The following SNTG1 variants were observed in gnomAD, a reference collection of about 807,000 sequenced individuals.
The protein encoded by SNTG1 is syntrophin gamma 1.
In SNTG1, 39 loss-of-function variants were observed where a neutral mutation model predicts 74.7. The ratio of observed to expected loss-of-function variants is 0.52; its 90% confidence interval spans 0.40 to 0.68. SNTG1 has a LOEUF of 0.68. Among genes scored for constraint, SNTG1 ranks in the 30% least tolerant of loss-of-function variants. The probability of loss-of-function intolerance (pLI) is 0.00; values close to 1 mark genes in which losing one functional copy is unlikely to be tolerated. For synonymous variants in SNTG1, 254 were observed against 217.1 expected, an observed-to-expected ratio of 1.17 and a Z score of -1.49; for missense variants, 685 against 609.5, an observed-to-expected ratio of 1.12 and a Z score of -1.30.
At chr8:50,731,583 C>T (rs11781366) in intron 17 of SNTG1, among the ~76,000 whole-genome samples, 107,200 of 151,878 alleles carry the variant, frequency 0.71, 40,268 homozygotes, top group Non-Finnish European at 0.82. Flanking sequence ...CCACTCTACA[C>T]GTACTTCTAA....
intron 1 of SNTG1, among the ~76,000 whole-genome samples, chr8:50,162,628 C>A (rs1188443844): frequency 2.0e-5 from 3 of 151,686 alleles, no homozygotes; most frequent in Non-Finnish European, 2.9e-5. Flanking sequence ...CATCCTCCAT[C>A]ATGCTTCCCT....
chr8:50,400,930 A>G (rs2092796055), intron 3 of SNTG1, among the ~76,000 whole-genome samples: 1 of 152,152 alleles, frequency 6.6e-6, no homozygotes, highest in South Asian at 2.1e-4. Context: ...TATGTCACAA[A>G]TAGCTGGAAG....
intron 2 of SNTG1, among the ~76,000 whole-genome samples, chr8:50,354,272 T>C (rs1283562949): frequency 6.6e-6 from 1 of 152,206 alleles, no homozygotes; most frequent in Non-Finnish European, 1.5e-5. Context: ...CAGATCTACC[T>C]TTTTATTAAA....
chr8:50,083,543 A>G (rs576305097), intron 1 of SNTG1, among the ~76,000 whole-genome samples: 1 of 152,246 alleles, frequency 6.6e-6, no homozygotes, highest in South Asian at 2.1e-4. Flanking sequence ...CATTATTTAC[A>G]TGCACATTCA....
At chr8:50,335,940 A>T (rs1023612685) in intron 2 of SNTG1, among the ~76,000 whole-genome samples, 10 of 151,878 alleles carry the variant, frequency 6.6e-5, no homozygotes, top group African/African-American at 2.2e-4. Flanking sequence ...TTATATAGGT[A>T]TATAACAATC....
chr8:49,931,530 G>A (rs979366186), intron 1 of SNTG1, among the ~76,000 whole-genome samples: 12 of 152,108 alleles, frequency 7.9e-5, no homozygotes, highest in Non-Finnish European at 1.8e-4. Flanking sequence ...CAGCAAACCT[G>A]CACATGTAAC....
rs183113892 is a variant in SNTG1 at position 49,940,408 on chromosome 8, G to A, written c.-103+28177G>A. Among the ~76,000 whole-genome samples the A allele has an allele frequency of 1.2e-3, 185 of 152,210 alleles. 2 individuals are homozygous for A. Among genetic ancestry groups the A allele is most frequent in the Middle Eastern group, 0.01 (3 of 294 alleles). On this transcript the variant is annotated intron_variant, in intron 1 of 18. Transcript: ENST00000642720. ...GGGAAATACTGTCTCAGTGAAAAGG[G>A]GAATGGCTAATTCAGTCACAGTGGC...
At chr8:50,683,987 A>T (rs2095341656) in intron 15 of SNTG1, among the ~76,000 whole-genome samples, 5 of 152,238 alleles carry the variant, frequency 3.3e-5, no homozygotes, top group Admixed American at 3.3e-4. Context: ...TAAAGTTTTC[A>T]AAAAGGAAGA....
intron 1 of SNTG1, among the ~76,000 whole-genome samples, chr8:50,086,748 G>T (rs1822924633): frequency 6.6e-6 from 1 of 152,018 alleles, no homozygotes; most frequent in Admixed American, 6.6e-5. Flanking sequence ...TGAAAATATG[G>T]TCTTAGTGAC....
chr8:50,380,662 T>G (rs1163862859), intron 2 of SNTG1, among the ~76,000 whole-genome samples: 1 of 152,216 alleles, frequency 6.6e-6, no homozygotes, highest in African/African-American at 2.4e-5. Context: ...ATCAGTCTCC[T>G]GGGCAATGGA....
chr8:50,341,481 A>G lies in SNTG1; in HGVS notation c.-27-52731A>G, dbSNP rs566259940. Among the ~76,000 whole-genome samples, 6 of 152,102 alleles carry G rather than the reference A, an allele frequency of 3.9e-5. No individual in the cohort carries two copies. The South Asian group carries it at 1.2e-3, about 32-fold the overall frequency. ...TTAATTTATTCAACAAATATTTATG[A>G]AAGTGTCCTACTGTTTGCTACTCCT... On this transcript the variant is annotated intron_variant, in intron 2 of 18. Coordinates refer to ENST00000642720, the MANE Select transcript of SNTG1 (RefSeq NM_018967.5).
At chr8:50,397,828 C>A (rs569341630) in intron 3 of SNTG1, among the ~76,000 whole-genome samples, 105 of 152,246 alleles carry the variant, frequency 6.9e-4, no homozygotes, top group African/African-American at 2.4e-3. Context: ...TGAATTCTAG[C>A]CTTTTCTTCC....
chr8:50,469,271 G>T (rs2093632846), intron 8 of SNTG1, among the ~76,000 whole-genome samples: 1 of 152,034 alleles, frequency 6.6e-6, no homozygotes, highest in African/African-American at 2.4e-5. Flanking sequence ...TGTTGGTGTC[G>T]TTTTTGTTTT....
At chr8:50,497,334 T>C (rs911154560) in intron 8 of SNTG1, among the ~76,000 whole-genome samples, 1 of 152,030 alleles carries the variant, frequency 6.6e-6, no homozygotes, top group Admixed American at 6.6e-5. Flanking sequence ...TATATACTTA[T>C]TCAAAATTGA....
chr8:50,051,685 C>T (rs1819587961), intron 1 of SNTG1, among the ~76,000 whole-genome samples: 1 of 152,066 alleles, frequency 6.6e-6, no homozygotes, highest in Non-Finnish European at 1.5e-5. Context: ...CTACGTAACT[C>T]CATCCTCTGC....
chr8:50,389,428 T>G (rs1012796028), intron 2 of SNTG1, among the ~76,000 whole-genome samples: 3 of 152,208 alleles, frequency 2.0e-5, no homozygotes, highest in African/African-American at 7.2e-5. Flanking sequence ...AACAATCTAT[T>G]TCCTTTCACA....
chr8:50,240,677 A>G (rs1335938517), intron 2 of SNTG1, among the ~76,000 whole-genome samples: 2 of 152,198 alleles, frequency 1.3e-5, no homozygotes. Context: ...GTCTCAGCCC[A>G]TAGTTAAGCA....
rs539393450 is a variant in SNTG1 at position 50,635,476 on chromosome 8, C to T, written c.850-21433C>T. 7.9e-5 allele frequency among the ~76,000 whole-genome samples: 12 copies of T among 152,290 alleles called. No homozygotes were observed. The South Asian group carries it at 8.3e-4, about 11-fold the overall frequency. ...GAAATTTACCTGGTGCTCTACTCTA[C>T]GGCAGCTGAGCCAGCAGCCAAAATG... is the stretch of plus-strand genomic sequence containing the variant. On this transcript the variant is annotated intron_variant, in intron 13 of 18. Transcript: ENST00000642720.
intron 1 of SNTG1, among the ~76,000 whole-genome samples, chr8:50,127,774 G>A (rs2081193624): frequency 6.6e-6 from 1 of 152,214 alleles, no homozygotes; most frequent in Non-Finnish European, 1.5e-5. Context: ...TAAACAATTA[G>A]GACATATTTC....
Sources: allele counts gnomAD v4.1 joint callset (sites outside exome capture counted in the v4.1 genomes callset), GRCh38; gene constraint gnomAD v4.1.1; transcripts MANE v1.5; gene names NCBI Gene and HGNC (gene_info 2026-07-23, HGNC 2026-07-21).